Variants in SRRM3 observed in about 807,000 individuals in gnomAD.
SRRM3 encodes serine/arginine repetitive matrix protein 3.
Under a neutral mutation model 66.2 loss-of-function variants are expected in SRRM3, and 27 were observed. The observed-to-expected ratio is 0.41, with a 90% CI of 0.30 to 0.56. The LOEUF (loss-of-function observed/expected upper bound fraction) is 0.56, where lower values mean the gene tolerates loss of function less well. SRRM3 is among the 20% of genes least tolerant of loss of function. The pLI is 0.32. For synonymous variants in SRRM3, 391 were observed against 414.9 expected, an observed-to-expected ratio of 0.94 and a Z score of 0.70; for missense variants, 918 against 991.9, an observed-to-expected ratio of 0.93 and a Z score of 1.00.
At chr7:76,207,575 C>T (rs976552284) in intron 1 of SRRM3, among the ~76,000 whole-genome samples, 1 of 152,070 alleles carries the variant, frequency 6.6e-6, no homozygotes, top group African/African-American at 2.4e-5. Context: ...TCTTTAAAGA[C>T]TCTTTAGGGC....
intron 2 of SRRM3, among the ~76,000 whole-genome samples, chr7:76,242,066 T>A (rs189355220): frequency 3.0e-3 from 464 of 152,272 alleles, no homozygotes; most frequent in African/African-American, 0.011. Context: ...ATGTCTCACA[T>A]GGCACCAGAG....
rs187585039 is a variant in SRRM3, at chr7:76,216,752, C to G, written c.-40+14685C>G. On this transcript the variant is annotated intron_variant, in intron 1 of 14. Transcript: ENST00000611745. ...ATGACATGGAGAGTGAATGTGGGGT[C>G]TCTCCCTCTCTCCCCTTTTACTGTC... 7.2e-4 allele frequency among the ~76,000 whole-genome samples: 109 copies of G among 152,262 alleles called. 1 individual carries two copies. The Middle Eastern group carries it at 0.017, about 24-fold the overall frequency.
At chr7:76,271,194 C>T (rs1008073631) in intron 11 of SRRM3, among the ~76,000 whole-genome samples, 11 of 149,080 alleles carry the variant, frequency 7.4e-5, no homozygotes, top group African/African-American at 2.5e-4. Flanking sequence ...CCAGGCAGGG[C>T]GCAGTGGCTC....
intron 1 of SRRM3, among the ~76,000 whole-genome samples, chr7:76,206,553 C>G (rs1473464838): frequency 6.6e-6 from 1 of 152,136 alleles, no homozygotes; most frequent in Admixed American, 6.6e-5. Context: ...GGGTCATGAG[C>G]GCAGGAGGGC....
chr7:76,219,092 C>A (rs1022793373), intron 1 of SRRM3, among the ~76,000 whole-genome samples: 6 of 152,212 alleles, frequency 3.9e-5, no homozygotes, highest in African/African-American at 1.2e-4. Context: ...AAGTGATCCA[C>A]CTGCCTCAGC....
intron 2 of SRRM3, among the ~76,000 whole-genome samples, chr7:76,240,793 G>T (rs1361525691): frequency 6.6e-6 from 1 of 152,138 alleles, no homozygotes. Context: ...AGCCAGACTG[G>T]CTGGGGGAAC....
intron 8 of SRRM3, among the ~76,000 whole-genome samples, chr7:76,262,072 A>T (rs1801887614): frequency 6.8e-6 from 1 of 147,990 alleles, no homozygotes; most frequent in African/African-American, 2.5e-5. Flanking sequence ...TCCACCCAGG[A>T]GGGCTGGGGG....
chr7:76,285,871 C>T lies in SRRM3; in HGVS notation c.*28C>T, dbSNP rs1554612769. 3 of 1,533,238 alleles carry T rather than the reference C, an allele frequency of 2.0e-6. No homozygotes were observed. Among genetic ancestry groups the T allele is most frequent in the African/African-American group, 1.4e-5 (1 of 72,694 alleles). The allele number at this position is 1,533,238 out of a possible 1,614,324, so 95.0% of individuals were successfully genotyped here. A position where few individuals can be genotyped will look rare whatever the true frequency, so the allele number is the denominator to read the frequency against. On this transcript the variant is annotated 3_prime_UTR_variant, in exon 15 of 15. Transcript: ENST00000611745. The surrounding 1 kb of genome is among the most constrained non-coding windows in gnomAD (Gnocchi z 4.1). ...CCAGACAGACTCAGCTTGGTGCCCCCCTGGCACTGGGAGAGGCGAGGGGCG... is the reference window on the plus strand; with the variant it reads ...CCAGACAGACTCAGCTTGGTGCCCCTCTGGCACTGGGAGAGGCGAGGGGCG...
At position 76,285,675 on chromosome 7, in the gene SRRM3, G is replaced by A. The variant is rs530214184; in HGVS notation, c.1794G>A (p.Leu598=). 30 of 1,551,156 alleles carry A rather than the reference G, an allele frequency of 1.9e-5. No homozygotes were observed. In the African/African-American group the frequency reaches 3.4e-4, roughly 18 times the overall value. ...RPSPSSSSSC[L]SSDYSTRSHS... ...GCCCCTCTTCCTCCTCCAGCTGCTT[G>A]AGCAGCGACTACTCGACCCGGAGCC... Residue 598 remains leucine, a synonymous_variant, in exon 15 of 15, where the codon TTG becomes TTA. Coordinates refer to ENST00000611745, the MANE Select transcript of SRRM3 (RefSeq NM_001110199.3). The surrounding 1 kb of genome is among the most constrained non-coding windows in gnomAD (Gnocchi z 4.1).
chr7:76,283,180 G>A (rs1802574095), intron 14 of SRRM3, 79 bp downstream of exon 14: 1 of 1,335,560 alleles, frequency 7.5e-7, no homozygotes, highest in African/African-American at 1.5e-5. Flanking sequence ...CTCGGCCCGG[G>A]GACCTTCTCT....
chr7:76,210,626 A>G (rs1421888703), intron 1 of SRRM3, among the ~76,000 whole-genome samples: 2 of 152,114 alleles, frequency 1.3e-5, no homozygotes, highest in Non-Finnish European at 2.9e-5. Flanking sequence ...CTGTGGTCCT[A>G]GATACTTGGG....
intron 1 of SRRM3, among the ~76,000 whole-genome samples, chr7:76,231,122 C>A (rs1291632998): frequency 1.3e-5 from 2 of 152,080 alleles, no homozygotes; most frequent in African/African-American, 4.8e-5. Context: ...CCTGCAGTCA[C>A]CCCCTGGTCT....
rs1181264109 is a variant in SRRM3, at chr7:76,235,297, G to A, written c.231G>A (p.Gln77=). ...AGCTGCAGGAGATGATGGAGGAGCA[G>A]GGGTGAGCAGGCCGCGGGGCGGGAC... ...CMELQEMMEE[Q]GYSEEEIRQK... The change falls in exon 2 of 15, where the codon CAG becomes CAA. Residue 77 remains glutamine, a splice_region_variant and synonymous_variant. Transcript: ENST00000611745. 2 of 1,509,092 alleles carry A rather than the reference G, an allele frequency of 1.3e-6. No homozygotes were observed. Among genetic ancestry groups the A allele is most frequent in the Non-Finnish European group, 1.8e-6 (2 of 1,132,192 alleles). 93.5% of individuals were successfully genotyped at this position (1,509,092 alleles called of 1,614,324 possible).
chr7:76,278,197 C>T (rs906202141), intron 11 of SRRM3, among the ~76,000 whole-genome samples: 1 of 151,648 alleles, frequency 6.6e-6, no homozygotes, highest in Non-Finnish European at 1.5e-5. Context: ...TCAGAGGGGC[C>T]AACCCAAGGC....
intron 3 of SRRM3, 32 bp downstream of exon 3, chr7:76,248,321 AG>A (rs1405671040): frequency 1.3e-6 from 2 of 1,552,936 alleles, no homozygotes; most frequent in African/African-American, 2.7e-5. Flanking sequence ...GATGAGGGAG[AG>A]GGGGTGCAGG....
Position 76,230,244 on chromosome 7 carries a change from T to A in SRRM3, c.-39-4784T>A, listed in dbSNP as rs76645948. Among the ~76,000 whole-genome samples, 1,192 of 152,268 alleles carry A rather than the reference T, an allele frequency of 7.8e-3. 14 individuals are homozygous for A. The highest frequency in any genetic ancestry group is 0.027 in the African/African-American group (1,127 of 41,552). ...TGTGATTCTCCACTAAATACCTACA[T>A]CTAACATGACATTGATCCATTAACC... On this transcript the variant is annotated intron_variant, in intron 1 of 14. Transcript: ENST00000611745.
Position 76,264,873 on chromosome 7 carries a change from C to T in SRRM3, c.725+58C>T. On this transcript the variant is annotated intron_variant, in intron 9 of 14. Coordinates refer to ENST00000611745, the MANE Select transcript of SRRM3 (RefSeq NM_001110199.3). ...TCGTTCTCCCTCCCGCCCCAGCAAA[C>T]TACGCCTTTTAGAATCACAGAATCA... 5.7e-6 allele frequency: 9 copies of T among 1,567,460 alleles called. No individual in the cohort carries two copies. The South Asian group carries it at 7.9e-5, about 14-fold the overall frequency.
chr7:76,283,907 A>C, intron 14 of SRRM3: 1 of 926,244 alleles, frequency 1.1e-6, no homozygotes, highest in Non-Finnish European at 1.3e-6. Context: ...TGGGGGGAAC[A>C]CAGGCAAAAA....
intron 2 of SRRM3, among the ~76,000 whole-genome samples, chr7:76,240,009 C>T (rs1011220169): frequency 1.3e-5 from 2 of 151,062 alleles, no homozygotes; most frequent in Non-Finnish European, 3.0e-5. Flanking sequence ...ACTAAAAATA[C>T]AAAACAATTA....
Sources: gnomAD v4.1 joint callset for allele counts (sites outside exome capture counted in the v4.1 genomes callset) on GRCh38, gnomAD v4.1.1 for gene constraint, Gnocchi (gnomAD v3.1) non-coding constraint, MANE v1.5 for transcripts, NCBI Gene and HGNC (gene_info 2026-07-23, HGNC 2026-07-21) for gene names.